Variants in KIF5A observed in about 807,000 individuals in gnomAD.
KIF5A encodes kinesin family member 5A, also known as kinesin heavy chain isoform 5A.
Under a neutral mutation model 141.3 loss-of-function variants are expected in KIF5A, and 35 were observed. The ratio of observed to expected loss-of-function variants is 0.25; its 90% CI spans 0.19 to 0.33. The LOEUF is 0.33. KIF5A is among the 10% of genes least tolerant of loss of function. The pLI is 1.00. For missense variants in KIF5A, 861 were observed against 1,314.3 expected (o/e 0.66, Z 5.33); for synonymous variants, 448 against 500.2 (o/e 0.90, Z 1.39).
chr12:57,566,366 T>C lies in KIF5A; in HGVS notation c.502-760T>C, dbSNP rs555500254. ...TGATCCGCCCACCTCAGCCTCCCAG[T>C]GTGCTGGCATTACAGGCATAAGCCA... On this transcript the variant is annotated intron_variant, in intron 6 of 28. Transcript: ENST00000455537. 3.3e-4 allele frequency among the ~76,000 whole-genome samples: 49 copies of C among 148,688 alleles called. No individual in the cohort carries two copies. The East Asian group carries it at 9.4e-3, about 29-fold the overall frequency.
chr12:57,584,875 G>A lies in KIF5A; in HGVS notation c.*694G>A, dbSNP rs1157634428. ...CTGTTTTCCCCTGGACTGAGAAATG[G>A]GTTGCTCAAGGGACCATTTCCCTTT... On this transcript the variant is annotated 3_prime_UTR_variant, in exon 29 of 29. Transcript: ENST00000455537. 2.0e-5 allele frequency: 3 copies of A among 152,174 alleles called. No homozygotes were observed. The highest frequency in any genetic ancestry group is 6.5e-5 in the Admixed American group (1 of 15,278). The allele number at this position is 152,174 out of a possible 1,614,324, so 9.4% of individuals were successfully genotyped here. A position where few individuals can be genotyped will look rare whatever the true frequency, so the allele number is the denominator to read the frequency against.
rs965877808 is a variant in KIF5A, at chr12:57,585,753, C to T, written c.*1572C>T. The T allele has an allele frequency of 6.6e-6, 1 of 152,214 alleles. No individual in the cohort carries two copies. The highest frequency in any genetic ancestry group is 2.4e-5 in the African/African-American group (1 of 41,444). The allele number at this position is 152,214 out of a possible 1,614,324, so 9.4% of individuals were successfully genotyped here. On this transcript the variant is annotated 3_prime_UTR_variant, in exon 29 of 29. Coordinates refer to ENST00000455537, the MANE Select transcript of KIF5A (RefSeq NM_004984.4). ...GGAAAAGAGGCCCTGCTCCCTTTACCTGCTGAGCTCCTTTTAGCAGTTAGG... is the reference window on the plus strand; with the variant it reads ...GGAAAAGAGGCCCTGCTCCCTTTACTTGCTGAGCTCCTTTTAGCAGTTAGG...
intron 5 of KIF5A, 133 bp downstream of exon 5, chr12:57,564,641 T>C: frequency 1.2e-6 from 1 of 854,926 alleles, no homozygotes. Flanking sequence ...TTTGGCCCCG[T>C]TTACCAGAAT....
At position 57,572,094 on chromosome 12, in the gene KIF5A, G is replaced by T. The variant is rs1271167685; in HGVS notation, c.1396G>T (p.Val466Phe). Residue 466 changes from valine to phenylalanine, a missense_variant, in exon 14 of 29, where the codon GTC becomes TTC. By Grantham distance (50) the Val-to-Phe change is conservative. Coordinates refer to ENST00000455537, the MANE Select transcript of KIF5A (RefSeq NM_004984.4). This position sits in a 1 kb window ranked among gnomAD's most constrained non-coding sequence, Gnocchi z 4.2. ...LVSTRGDNEK[V>F]QRELSHLQSE... ...GTCCACCCGAGGAGACAACGAGAAG[G>T]TCCAGCGGGAGCTGAGCCACCTGCA... The T allele has an allele frequency of 4.3e-6, 7 of 1,613,844 alleles. No individual in the cohort carries two copies. The highest frequency in any genetic ancestry group is 5.9e-6 in the Non-Finnish European group (7 of 1,180,052).
At chr12:57,563,196 G>A (rs374809305) in intron 1 of KIF5A, among the ~76,000 whole-genome samples, 13 of 151,788 alleles carry the variant, frequency 8.6e-5, no homozygotes, top group Admixed American at 2.0e-4. Context: ...TAGTAGAGAC[G>A]GGGTTTCACC....
At chr12:57,560,352 G>A (rs1365144996) in intron 1 of KIF5A, among the ~76,000 whole-genome samples, 3 of 152,068 alleles carry the variant, frequency 2.0e-5, no homozygotes, top group South Asian at 2.1e-4. Context: ...CCCTTGTAGC[G>A]AAATCTTGAT....
rs1882602063 is a variant in KIF5A, at chr12:57,581,528, C to A, written c.2869C>A (p.Leu957Ile). ...CAGCCTCTTCCAGAACTACCAGAATCTCTACCTGCAGGCCACACCCAGCTC... is the reference window on the plus strand; with the variant it reads ...CAGCCTCTTCCAGAACTACCAGAATATCTACCTGCAGGCCACACCCAGCTC... Reference protein sequence around the residue: ...TNSLFQNYQNLYLQATPSSTS... With the variant: ...TNSLFQNYQNIYLQATPSSTS... Residue 957 changes from leucine (L) to isoleucine (I), a missense_variant, in exon 25 of 29, where the codon CTC (leucine) becomes ATC (isoleucine). Physicochemically the swap from Leu to Ile is conservative, Grantham distance 5. Transcript: ENST00000455537. The A allele has an allele frequency of 6.2e-7, 1 of 1,614,032 alleles. No individual in the cohort carries two copies. Among genetic ancestry groups the A allele is most frequent in the Admixed American group, 1.7e-5 (1 of 59,994 alleles).
intron 1 of KIF5A, among the ~76,000 whole-genome samples, chr12:57,555,366 G>A (rs1399291673): frequency 6.6e-6 from 1 of 151,886 alleles, no homozygotes; most frequent in Admixed American, 6.6e-5. Flanking sequence ...ACAAGGAGCA[G>A]TAATGAAAAA....
At chr12:57,552,827 A>C (rs933029679) in intron 1 of KIF5A, among the ~76,000 whole-genome samples, 3 of 151,480 alleles carry the variant, frequency 2.0e-5, no homozygotes, top group African/African-American at 7.3e-5. Flanking sequence ...TGCAGCCCCT[A>C]CTCCTTCCTG....
intron 12 of KIF5A, among the ~76,000 whole-genome samples, chr12:57,570,435 G>C (rs1882215557): frequency 6.6e-6 from 1 of 152,086 alleles, no homozygotes; most frequent in Non-Finnish European, 1.5e-5. Flanking sequence ...GTCTTGCTGT[G>C]TCGCCCAGGC....
At chr12:57,567,801 C>T (rs1882114253) in intron 8 of KIF5A, among the ~76,000 whole-genome samples, 183 bp downstream of exon 8, 1 of 151,670 alleles carries the variant, frequency 6.6e-6, no homozygotes, top group Non-Finnish European at 1.5e-5. Flanking sequence ...GCTGGGATTA[C>T]AGGTGCCCAC....
intron 12 of KIF5A, 101 bp from the exon 13 acceptor site, chr12:57,571,220 C>G (rs758342778): frequency 2.8e-5 from 22 of 782,396 alleles, no homozygotes; most frequent in Non-Finnish European, 4.6e-5. Flanking sequence ...CTTATACTAT[C>G]TGGATTTTTA....
Position 57,572,082 on chromosome 12 carries a change from G to A in KIF5A, c.1384G>A (p.Asp462Asn). 1 of 1,613,726 alleles carries A rather than the reference G, an allele frequency of 6.2e-7. No homozygotes were observed. Among genetic ancestry groups the A allele is most frequent in the Non-Finnish European group, 8.5e-7 (1 of 1,180,036 alleles). The change falls in exon 14 of 29, where the codon GAC becomes AAC. Residue 462 changes from aspartate to asparagine, a missense_variant. By Grantham distance (23) the Asp-to-Asn change is conservative. This residue lies in a region of KIF5A where 167 missense variants were observed against 192.0 expected (regional missense o/e 0.87). Coordinates refer to ENST00000455537, the MANE Select transcript of KIF5A (RefSeq NM_004984.4). This position sits in a 1 kb window ranked among gnomAD's most constrained non-coding sequence, Gnocchi z 4.2. ...QEELLVSTRG[D>N]NEKVQRELSH... ...GAAGCTGCTGGTGTCCACCCGAGGA[G>A]ACAACGAGAAGGTCCAGCGGGAGCT... is the stretch of plus-strand genomic sequence containing the variant.
intron 9 of KIF5A, 76 bp downstream of exon 9, chr12:57,569,143 A>T: frequency 3.9e-6 from 6 of 1,551,948 alleles, no homozygotes; most frequent in Non-Finnish European, 5.3e-6. Context: ...CCACCATATG[A>T]TCATGCCCCA....
chr12:57,569,598 G>A lies in KIF5A; in HGVS notation c.1032G>A (p.Lys344=), dbSNP rs267603609. The change falls in exon 11 of 29, where the codon AAG becomes AAA. Residue 344 remains lysine, a synonymous_variant. Transcript: ENST00000455537. Reference sequence around the variant, plus strand: ...AGTTGACTGCTGAGCAGTGGAAGAAGAAATATGAGAAGGAGAAGGAGAAGA... The same window carrying A: ...AGTTGACTGCTGAGCAGTGGAAGAAAAAATATGAGAAGGAGAAGGAGAAGA... The part of the protein sequence containing the change: ...NLELTAEQWK[K]KYEKEKEKTK... 6.2e-7 allele frequency: 1 copy of A among 1,614,028 alleles called. No homozygotes were observed. The highest frequency in any genetic ancestry group is 1.7e-5 in the Admixed American group (1 of 59,984).
Position 57,572,412 on chromosome 12 carries a change from T to A in KIF5A, c.1569+145T>A, listed in dbSNP as rs1180585163. ...CATTGTGAGTCCCTCCCCAACCCTG[T>A]CACTGCACTTTCCCCTCACAGTCCC... On this transcript the variant is annotated intron_variant, in intron 14 of 28. Coordinates refer to ENST00000455537, the MANE Select transcript of KIF5A (RefSeq NM_004984.4). This position sits in a 1 kb window ranked among gnomAD's most constrained non-coding sequence, Gnocchi z 4.2. The A allele has an allele frequency of 1.6e-6, 2 of 1,242,986 alleles. No individual in the cohort carries two copies. Among genetic ancestry groups the A allele is most frequent in the Non-Finnish European group, 2.3e-6 (2 of 869,520 alleles). 77.0% of individuals were successfully genotyped at this position (1,242,986 alleles called of 1,614,324 possible). A position where few individuals can be genotyped will look rare whatever the true frequency, so the allele number is the denominator to read the frequency against.
At chr12:57,563,785 G>C in intron 3 of KIF5A, 92 bp downstream of exon 3, 1 of 1,205,486 alleles carries the variant, frequency 8.3e-7, no homozygotes, top group South Asian at 1.2e-5. Flanking sequence ...ATCAAGGATT[G>C]CCTGGTCCAG....
intron 1 of KIF5A, among the ~76,000 whole-genome samples, chr12:57,561,712 A>T (rs902921150): frequency 6.6e-6 from 1 of 152,224 alleles, no homozygotes; most frequent in African/African-American, 2.4e-5. Context: ...TACATAGTTT[A>T]AAAATGTAAA....
chr12:57,578,121 C>T, intron 22 of KIF5A, 41 bp downstream of exon 22: 1 of 1,591,508 alleles, frequency 6.3e-7, no homozygotes, highest in East Asian at 2.2e-5. Flanking sequence ...CCCACATCCT[C>T]CTCCTATCCT....
Sources: allele counts gnomAD v4.1 joint callset (sites outside exome capture counted in the v4.1 genomes callset), GRCh38; gene constraint gnomAD v4.1.1; regional missense constraint gnomAD v4.1.1; non-coding constraint Gnocchi (gnomAD v3.1); transcripts MANE v1.5; gene names NCBI Gene and HGNC (gene_info 2026-07-23, HGNC 2026-07-21).